Variants in FGD5 observed in about 807,000 individuals in gnomAD.
FGD5 encodes the protein FYVE, RhoGEF and PH domain containing 5.
FGD5 carries 28 observed loss-of-function variants against 133.4 expected under a neutral mutation model. That is an observed-to-expected ratio of 0.21 (90% CI 0.16 to 0.29). FGD5 has a LOEUF of 0.29. FGD5 is among the 10% of genes least tolerant of loss of function. The pLI is 1.00. For missense variants in FGD5, 1,858 were observed against 1,895.2 expected (o/e 0.98, Z 0.36); for synonymous variants, 810 against 776.5 (o/e 1.04, Z -0.72).
intron 1 of FGD5, among the ~76,000 whole-genome samples, chr3:14,811,580 C>G (rs905970814): frequency 6.6e-6 from 1 of 152,202 alleles, no homozygotes; most frequent in African/African-American, 2.4e-5. Flanking sequence ...CACCCCCAGT[C>G]CATCGCGTTC....
chr3:14,904,987 T>A (rs1466397890), intron 9 of FGD5, among the ~76,000 whole-genome samples: 1 of 150,996 alleles, frequency 6.6e-6, no homozygotes, highest in Non-Finnish European at 1.5e-5. Context: ...ATTTTATGTA[T>A]TTTTTTTTAC....
At chr3:14,810,844 G>A (rs909816538), upstream of FGD5, 8 of 984,938 alleles carry the variant, frequency 8.1e-6, no homozygotes, top group Middle Eastern at 1.0e-3. Flanking sequence ...CGGGCCCCGC[G>A]CGCTGAAGAT....
chr3:14,844,217 AATATATATATATATATATAT>A (rs869290486), intron 1 of FGD5, among the ~76,000 whole-genome samples: 14 of 20,376 alleles, frequency 6.9e-4, no homozygotes, highest in South Asian at 4.3e-3. Flanking sequence ...AAAAAAAAAA[AATATATATATATATATATAT>A]ATATATATAT....
chr3:14,879,705 G>A (rs1320601495), intron 2 of FGD5, among the ~76,000 whole-genome samples: 1 of 152,186 alleles, frequency 6.6e-6, no homozygotes, highest in African/African-American at 2.4e-5. Context: ...GTAATGATAA[G>A]TGTCGTGAGA....
intron 9 of FGD5, among the ~76,000 whole-genome samples, chr3:14,901,612 C>T (rs1236968407): frequency 2.6e-5 from 4 of 152,198 alleles, no homozygotes; most frequent in African/African-American, 4.8e-5. Context: ...GGCATGCCAG[C>T]GCTCTGTGTT....
chr3:14,848,973 A>G (rs1050257464), intron 1 of FGD5, among the ~76,000 whole-genome samples: 4 of 152,170 alleles, frequency 2.6e-5, no homozygotes, highest in East Asian at 1.9e-4. Context: ...TAGGGTTTAG[A>G]GCCCTTGGCA....
chr3:14,812,729 C>A (rs1350454033), intron 1 of FGD5, among the ~76,000 whole-genome samples: 1 of 152,096 alleles, frequency 6.6e-6, no homozygotes, highest in Non-Finnish European at 1.5e-5. Flanking sequence ...GTTATGTGAC[C>A]TTAAGCAGGT....
chr3:14,822,117 GAAAAGA>G (rs1451461331), intron 1 of FGD5, among the ~76,000 whole-genome samples: 25 of 148,418 alleles, frequency 1.7e-4, no homozygotes, highest in African/African-American at 6.5e-4. Flanking sequence ...AAAAAAAAAA[GAAAAGA>G]AAAAGAAAAA....
At position 14,917,304 on chromosome 3, in the gene FGD5, A is replaced by G. The variant is rs1213759164; in HGVS notation, c.3461A>G (p.Lys1154Arg). Residue 1154 changes from lysine to arginine, a missense_variant, in exon 12 of 20, where the codon AAG becomes AGG. This residue lies in a region of FGD5 where 1,824 missense variants were observed against 1,848.9 expected (regional missense o/e 0.99). Coordinates refer to ENST00000285046, the MANE Select transcript of FGD5 (RefSeq NM_152536.4). The surrounding 1 kb of genome is among the most constrained non-coding windows in gnomAD (Gnocchi z 4.1). ...YPQKDGKYRL[K>R]NTLAVANMKV... ...CAGAAGGATGGGAAGTACCGGCTGA[A>G]GAACACATTGGCTGTGGCCAACATG... 7 of 1,613,714 alleles carry G rather than the reference A, an allele frequency of 4.3e-6. No individual in the cohort carries two copies. Among genetic ancestry groups the G allele is most frequent in the Non-Finnish European group, 5.9e-6 (7 of 1,179,792 alleles).
Position 14,922,914 on chromosome 3 carries a change from A to C in FGD5, c.3808-132A>C. The C allele has an allele frequency of 7.8e-7, 1 of 1,290,308 alleles. No individual in the cohort carries two copies. The highest frequency in any genetic ancestry group is 1.1e-6 in the Non-Finnish European group (1 of 919,050). 79.9% of individuals were successfully genotyped at this position (1,290,308 alleles called of 1,614,324 possible). On this transcript the variant is annotated intron_variant, in intron 15 of 19. Coordinates refer to ENST00000285046, the MANE Select transcript of FGD5 (RefSeq NM_152536.4). This position sits in a 1 kb window ranked among gnomAD's most constrained non-coding sequence, Gnocchi z 4.1. ...TGCCGGAAAAGTAGGGGACACGCAC[A>C]GCTCCATGATCAGAACCTGGGGCTC... is the stretch of plus-strand genomic sequence containing the variant.
chr3:14,892,346 C>T (rs1331454203), intron 4 of FGD5, among the ~76,000 whole-genome samples: 7 of 152,076 alleles, frequency 4.6e-5, no homozygotes, highest in Admixed American at 6.6e-5. Context: ...GAACTATAGG[C>T]GTGCACCACC....
chr3:14,889,384 A>G (rs943913527), intron 4 of FGD5, among the ~76,000 whole-genome samples: 10 of 152,162 alleles, frequency 6.6e-5, no homozygotes, highest in African/African-American at 2.2e-4. Flanking sequence ...CTTTAGCTCA[A>G]CAGTCTGTGA....
chr3:14,835,871 C>T (rs1047710071), intron 1 of FGD5, among the ~76,000 whole-genome samples: 112 of 152,102 alleles, frequency 7.4e-4, no homozygotes, highest in African/African-American at 2.6e-3. Context: ...AGAAGGTTCT[C>T]AGCGAAGGTT....
At position 14,900,434 on chromosome 3, in the gene FGD5, C is replaced by T. The variant is rs766207545; in HGVS notation, c.3186C>T (p.Ala1062=). 32 of 1,613,378 alleles carry T rather than the reference C, an allele frequency of 2.0e-5. No homozygotes were observed. In the South Asian group the frequency reaches 2.8e-4, roughly 14 times the overall value. The change falls in exon 8 of 20, where the codon GCC becomes GCT. Residue 1062 remains alanine (A), a synonymous_variant. Coordinates refer to ENST00000285046, the MANE Select transcript of FGD5 (RefSeq NM_152536.4). The part of the protein sequence containing the change: ...DYLNNLCPDS[A]EYDNTQGALS... ...TAAACAACCTTTGTCCGGACTCCGCCGAGTACGACAACACACAGGGTGAGT... is the reference window on the plus strand; with the variant it reads ...TAAACAACCTTTGTCCGGACTCCGCTGAGTACGACAACACACAGGGTGAGT...
intron 15 of FGD5, 28 bp from the exon 16 acceptor site, chr3:14,923,018 G>A (rs1470931453): frequency 1.2e-6 from 2 of 1,613,694 alleles, no homozygotes; most frequent in African/African-American, 1.3e-5. Context: ...ACTGAGAGGG[G>A]TGAGAATCTT....
At chr3:14,924,990 C>T (rs1304424590) in intron 17 of FGD5, among the ~76,000 whole-genome samples, 1 of 150,450 alleles carries the variant, frequency 6.6e-6, no homozygotes. Context: ...GTCCCAGCTA[C>T]TCGGGAGGCT....
Position 14,917,402 on chromosome 3 carries a change from C to T in FGD5, c.3489+70C>T, listed in dbSNP as rs533198055. ...ACCCCAGGGGAGAAGGGGACAGCAT[C>T]CTGCTCCCAGGAGCACCCAGACCAG... On this transcript the variant is annotated intron_variant, in intron 12 of 19. Coordinates refer to ENST00000285046, the MANE Select transcript of FGD5 (RefSeq NM_152536.4). This position sits in a 1 kb window ranked among gnomAD's most constrained non-coding sequence, Gnocchi z 4.1. 7.0e-6 allele frequency: 10 copies of T among 1,438,824 alleles called. No individual in the cohort carries two copies. The highest frequency in any genetic ancestry group is 5.9e-5 in the Admixed American group (3 of 51,164). 89.1% of individuals were successfully genotyped at this position (1,438,824 alleles called of 1,614,324 possible).
intron 1 of FGD5, among the ~76,000 whole-genome samples, chr3:14,860,119 G>A (rs895832961): frequency 7.9e-5 from 12 of 152,162 alleles, no homozygotes; most frequent in African/African-American, 1.4e-4. Flanking sequence ...GGGAAGAAAC[G>A]CCCAATGACA....
chr3:14,842,663 C>T (rs1455306927), intron 1 of FGD5, among the ~76,000 whole-genome samples: 1 of 152,196 alleles, frequency 6.6e-6, no homozygotes, highest in Non-Finnish European at 1.5e-5. Context: ...TGGATTTTCC[C>T]AGCAGCTTCC....
Sources: gnomAD v4.1 joint callset for allele counts (sites outside exome capture counted in the v4.1 genomes callset) on GRCh38, gnomAD v4.1.1 for gene constraint, gnomAD v4.1.1 regional missense constraint, Gnocchi (gnomAD v3.1) non-coding constraint, MANE v1.5 for transcripts, NCBI Gene and HGNC (gene_info 2026-07-23, HGNC 2026-07-21) for gene names.